The following TDRD9 variants were observed in gnomAD, a reference collection of about 807,000 sequenced individuals.
TDRD9 encodes the protein ATP-dependent RNA helicase TDRD9.
A neutral mutation model predicts 172.6 loss-of-function variants in TDRD9; 124 were observed. The observed-to-expected ratio is 0.72, with a 90% confidence interval of 0.62 to 0.83. The LOEUF (loss-of-function observed/expected upper bound fraction) is 0.83, where lower values mean the gene tolerates loss of function less well. Ranked by LOEUF, TDRD9 falls within the 40% of genes least tolerant of loss-of-function variation. The pLI, the probability that TDRD9 is intolerant of heterozygous loss-of-function variation, is 0.00. For synonymous variants in TDRD9, 619 were observed against 617.1 expected (o/e 1.00, Z -0.05); for missense variants, 1,479 against 1,714.1 (o/e 0.86, Z 2.42).
At position 103,975,436 on chromosome 14, in the gene TDRD9, CTT is replaced by C; in HGVS notation, c.896_897del (p.Phe299CysfsTer15). 4.3e-6 allele frequency: 7 copies of C among 1,613,942 alleles called. No homozygotes were observed. Among genetic ancestry groups the C allele is most frequent in the Non-Finnish European group, 5.9e-6 (7 of 1,179,858 alleles). ...TISCKEFADYFAVPVQNKMNP... is the reference protein window; with the variant it reads ...TISCKEFADYXAVPVQNKMNP... ...TCAGCTGTAAAGAGTTTGCAGACTA[CTT>C]TGCTGTTCCTGTTCAAAACAAGATG... On this transcript the variant is annotated frameshift_variant, in exon 7 of 36. Transcript: ENST00000409874. LOFTEE classifies it high-confidence loss of function.
chr14:103,968,487 T>G (rs113114002), intron 5 of TDRD9, among the ~76,000 whole-genome samples: 27 of 152,122 alleles, frequency 1.8e-4, no homozygotes, highest in African/African-American at 6.5e-4. Flanking sequence ...TTCCAGCTCT[T>G]AAGGATAAAG....
chr14:104,005,482 A>G (rs965789192), intron 15 of TDRD9, 77 bp downstream of exon 15: 2 of 1,492,916 alleles, frequency 1.3e-6, no homozygotes, highest in African/African-American at 2.8e-5. Flanking sequence ...TCTGTGCCTC[A>G]CTTTCCCACT....
At chr14:104,025,821 C>A in intron 26 of TDRD9, 45 bp downstream of exon 26, 2 of 1,424,874 alleles carry the variant, frequency 1.4e-6, no homozygotes, top group Non-Finnish European at 2.0e-6. Context: ...ATGAGACAGA[C>A]AGACGTACAG....
intron 24 of TDRD9, among the ~76,000 whole-genome samples, chr14:104,023,043 G>A (rs1243962270): frequency 6.6e-6 from 1 of 151,820 alleles, no homozygotes; most frequent in Admixed American, 6.6e-5. Context: ...TTAGCCGGGT[G>A]TGGTGGCGGG....
chr14:103,928,532 A>AGCAGATCAACGACTGGTTCACCATCGG lies in TDRD9; in HGVS notation c.24_50dup (p.Gln9_Gly17dup). On this transcript the variant is annotated inframe_insertion, in exon 1 of 36. Coordinates refer to ENST00000409874, the MANE Select transcript of TDRD9 (RefSeq NM_153046.3). ...AGGATGCTGCGGAAGCTCACCATCG[A>AGCAGATCAACGACTGGTTCACCATCGG]GCAGATCAACGACTGGTTCACCATC... 7.1e-7 allele frequency: 1 copy of AGCAGATCAACGACTGGTTCACCATCGG among 1,410,416 alleles called. No individual in the cohort carries two copies. Among genetic ancestry groups the AGCAGATCAACGACTGGTTCACCATCGG allele is most frequent in the African/African-American group, 1.5e-5 (1 of 65,758 alleles). The allele number at this position is 1,410,416 out of a possible 1,614,324, so 87.4% of individuals were successfully genotyped here. A position where few individuals can be genotyped will look rare whatever the true frequency, so the allele number is the denominator to read the frequency against.
intron 1 of TDRD9, among the ~76,000 whole-genome samples, chr14:103,946,224 C>A (rs2031552053): frequency 6.6e-6 from 1 of 152,172 alleles, no homozygotes; most frequent in African/African-American, 2.4e-5. Context: ...CCCACCTCAG[C>A]CTCCCAGTGT....
chr14:103,998,062 A>T (rs1057236332), intron 12 of TDRD9, among the ~76,000 whole-genome samples: 1 of 151,964 alleles, frequency 6.6e-6, no homozygotes, highest in Non-Finnish European at 1.5e-5. Flanking sequence ...TGAGGGGGAA[A>T]GGTGTGGTGG....
At chr14:103,988,062 A>T (rs1224683779) in intron 8 of TDRD9, among the ~76,000 whole-genome samples, 5 of 151,990 alleles carry the variant, frequency 3.3e-5, no homozygotes, top group African/African-American at 4.8e-5. Flanking sequence ...TAGCCATTTC[A>T]CTTTTCTGTA....
intron 19 of TDRD9, among the ~76,000 whole-genome samples, chr14:104,007,536 C>T (rs373942937): frequency 4.0e-4 from 61 of 152,112 alleles, no homozygotes; most frequent in African/African-American, 5.5e-4. Flanking sequence ...CTGGGTTGGA[C>T]GTGTCAGTTC....
At chr14:104,047,840 C>T (rs1262345778) in intron 34 of TDRD9, among the ~76,000 whole-genome samples, 1 of 152,198 alleles carries the variant, frequency 6.6e-6, no homozygotes, top group East Asian at 1.9e-4. Context: ...TACTTTTCAG[C>T]TCTAGGATTT....
intron 1 of TDRD9, among the ~76,000 whole-genome samples, chr14:103,941,869 C>T (rs1425496459): frequency 6.6e-6 from 1 of 152,088 alleles, no homozygotes; most frequent in African/African-American, 2.4e-5. Flanking sequence ...TAATTTTTAA[C>T]TAGGTCAGTG....
intron 2 of TDRD9, among the ~76,000 whole-genome samples, chr14:103,961,647 T>C (rs2032517378): frequency 6.6e-6 from 1 of 151,214 alleles, no homozygotes; most frequent in African/African-American, 2.4e-5. Flanking sequence ...GTCACTAATA[T>C]TTTAGGAAGA....
At chr14:104,025,829 C>A in intron 26 of TDRD9, 53 bp downstream of exon 26, 1 of 1,383,234 alleles carries the variant, frequency 7.2e-7, no homozygotes. Context: ...GACAGACGTA[C>A]AGCAGTTTAT....
intron 5 of TDRD9, among the ~76,000 whole-genome samples, chr14:103,970,044 C>T (rs190447292): frequency 6.6e-6 from 1 of 152,322 alleles, no homozygotes; most frequent in African/African-American, 2.4e-5. Context: ...CAGTTATGCA[C>T]ATCATGGAAT....
chr14:104,017,254 G>C (rs904226097), intron 22 of TDRD9, among the ~76,000 whole-genome samples: 8 of 151,886 alleles, frequency 5.3e-5, no homozygotes, highest in African/African-American at 1.7e-4. Flanking sequence ...TAGTCTGGGG[G>C]CCCAAAATTA....
At chr14:103,950,427 C>T (rs1364658220) in intron 1 of TDRD9, among the ~76,000 whole-genome samples, 2 of 152,190 alleles carry the variant, frequency 1.3e-5, no homozygotes, top group South Asian at 2.1e-4. Flanking sequence ...TCCCTTCTTC[C>T]ACCACAATGA....
chr14:104,049,738 C>G, intron 35 of TDRD9, 58 bp downstream of exon 35: 1 of 1,432,770 alleles, frequency 7.0e-7, no homozygotes, highest in South Asian at 1.3e-5. Flanking sequence ...GGGACAGGCC[C>G]TGGGCAGACC....
intron 1 of TDRD9, among the ~76,000 whole-genome samples, chr14:103,931,143 A>C (rs958858470): frequency 7.9e-5 from 12 of 151,432 alleles, no homozygotes; most frequent in Non-Finnish European, 1.2e-4. Flanking sequence ...AAAAAAAAAA[A>C]CAAAAATTTG....
chr14:103,928,521 G>T lies in TDRD9; in HGVS notation c.12G>T (p.Lys4Asn). 1 of 1,423,706 alleles carries T rather than the reference G, an allele frequency of 7.0e-7. No individual in the cohort carries two copies. Among genetic ancestry groups the T allele is most frequent in the East Asian group, 3.2e-5 (1 of 30,940 alleles). The allele number at this position is 1,423,706 out of a possible 1,614,324, so 88.2% of individuals were successfully genotyped here. A position where few individuals can be genotyped will look rare whatever the true frequency, so the allele number is the denominator to read the frequency against. The change falls in exon 1 of 36, where the codon AAG (lysine) becomes AAT (asparagine). Residue 4 changes from lysine (K) to asparagine (N), a missense_variant. By Grantham distance (94) the Lys-to-Asn change is moderately conservative (BLOSUM62 0). Around this residue, in one of 3 missense-constraint regions of TDRD9, gnomAD observed 63 missense variants for 48.4 expected, o/e 1.30. Transcript: ENST00000409874. The part of the protein sequence containing the change: MLR[K>N]LTIEQINDWF... The stretch of plus-strand genomic sequence containing the variant: ...CCTGGGCCTTGAGGATGCTGCGGAA[G>T]CTCACCATCGAGCAGATCAACGACT...
Sources: gnomAD v4.1 joint callset for allele counts (sites outside exome capture counted in the v4.1 genomes callset) on GRCh38, gnomAD v4.1.1 for gene constraint, gnomAD v4.1.1 regional missense constraint, MANE v1.5 for transcripts, NCBI Gene and HGNC (gene_info 2026-07-23, HGNC 2026-07-21) for gene names.